Variants in BAHCC1 observed in about 807,000 individuals in gnomAD.
The protein encoded by BAHCC1 is BAH and coiled-coil domain-containing protein 1.
BAHCC1 carries 43 observed loss-of-function variants against 88.2 expected under a neutral mutation model. That is an observed-to-expected ratio of 0.49 (90% CI 0.38 to 0.63). The LOEUF (loss-of-function observed/expected upper bound fraction) is 0.63. Among genes scored for constraint, BAHCC1 ranks in the 20% least tolerant of loss-of-function variants. The pLI, the probability that BAHCC1 is intolerant of heterozygous loss-of-function variation, is 0.00. For synonymous variants in BAHCC1, 1,510 were observed against 745.5 expected (o/e 2.03, Z -16.71); for missense variants, 3,023 against 1,654.8 (o/e 1.83, Z -14.34).
At chr17:81,444,096 G>A in intron 6 of BAHCC1, 179 bp downstream of exon 6, 1 of 607,982 alleles carries the variant, frequency 1.6e-6, no homozygotes, top group South Asian at 1.9e-5. Context: ...GGGGTTGGGG[G>A]TCTCAGTTAA....
intron 4 of BAHCC1, among the ~76,000 whole-genome samples, chr17:81,438,971 C>T (rs1220542166): frequency 6.6e-6 from 1 of 152,170 alleles, no homozygotes; most frequent in East Asian, 1.9e-4. Context: ...GCCCCCAGCC[C>T]CCAGCCCCCC....
At position 81,458,911 on chromosome 17, in the gene BAHCC1, CGAGGAGGAAGAG is replaced by C. The variant is rs1350332995; in HGVS notation, c.5556_5567del (p.Glu1852_Glu1855del). On this transcript the variant is annotated inframe_deletion, in exon 20 of 28. Transcript: ENST00000675386. ...GCAGCTTCTCGGAAGAGGAGGAGGA[CGAGGAGGAAGAG>C]GAGGAGGACAGCGGCCCTCTGAGCG... The C allele has an allele frequency of 1.0e-5, 8 of 770,986 alleles. No homozygotes were observed. The African/African-American group carries it at 1.4e-4, about 13-fold the overall frequency. The allele number at this position is 770,986 out of a possible 1,614,324, so 47.8% of individuals were successfully genotyped here.
At chr17:81,398,976 C>T (rs559357294) in intron 1 of BAHCC1, among the ~76,000 whole-genome samples, 16 of 151,282 alleles carry the variant, frequency 1.1e-4, no homozygotes, top group African/African-American at 3.9e-4. Flanking sequence ...TAAAATTACT[C>T]GCTTAATTAG....
intron 26 of BAHCC1, chr17:81,462,517 T>C: frequency 1.8e-6 from 1 of 567,786 alleles, no homozygotes; most frequent in Non-Finnish European, 3.1e-6. Flanking sequence ...CCAGACGTCA[T>C]GATTCCATGT....
intron 11 of BAHCC1, among the ~76,000 whole-genome samples, chr17:81,450,298 C>T (rs534243123): frequency 6.6e-6 from 1 of 152,190 alleles, no homozygotes; most frequent in Non-Finnish European, 1.5e-5. Context: ...CCCATGGGGA[C>T]CCCGTTCCTG....
intron 2 of BAHCC1, among the ~76,000 whole-genome samples, chr17:81,426,535 C>T (rs1221486399): frequency 2.6e-5 from 4 of 151,348 alleles, no homozygotes; most frequent in Non-Finnish European, 4.4e-5. Context: ...ACAAAGATGT[C>T]GTTCTTGGGT....
rs782244723 is a variant in BAHCC1, at chr17:81,447,726, C to G, written c.3854C>G (p.Ala1285Gly). ...SDSPPDPQPP[A>G]ASGPPSTVPL... ...AGCCCACCGGACCCTCAGCCCCCAG[C>G]GGCCTCTGGGCCCCCCAGCACAGTC... The change falls in exon 11 of 28, where the codon GCG becomes GGG. Residue 1285 changes from alanine (A) to glycine (G), a missense_variant. Physicochemically the swap from Ala to Gly is moderately conservative, Grantham distance 60 (BLOSUM62 0). Coordinates refer to ENST00000675386, the MANE Select transcript of BAHCC1 (RefSeq NM_001377448.1). The G allele has an allele frequency of 1.4e-6, 1 of 733,752 alleles. No individual in the cohort carries two copies. The highest frequency in any genetic ancestry group is 2.6e-5 in the East Asian group (1 of 38,380). The allele number at this position is 733,752 out of a possible 1,614,324, so 45.5% of individuals were successfully genotyped here.
At position 81,456,485 on chromosome 17, in the gene BAHCC1, G is replaced by A. The variant is rs2064752238; in HGVS notation, c.4758G>A (p.Lys1586=). The A allele has an allele frequency of 1.4e-6, 1 of 720,380 alleles. No homozygotes were observed. 44.6% of individuals were successfully genotyped at this position (720,380 alleles called of 1,614,324 possible). ...AGCTGTCCCGAGCCAAGAGTGCCAA[G>A]GTGTCTGGGGCCACACGGCACCCAC... The part of the protein sequence containing the change: ...REKLSRAKSA[K]VSGATRHPQP... Residue 1586 remains lysine, a synonymous_variant, in exon 16 of 28, where the codon AAG becomes AAA. Coordinates refer to ENST00000675386, the MANE Select transcript of BAHCC1 (RefSeq NM_001377448.1).
chr17:81,418,952 C>T (rs1358750102), intron 2 of BAHCC1, among the ~76,000 whole-genome samples: 1 of 151,844 alleles, frequency 6.6e-6, no homozygotes, highest in South Asian at 2.1e-4. Context: ...AGTCCCTCCC[C>T]TGCCTCTGTG....
chr17:81,431,355 C>A (rs1359113880), intron 3 of BAHCC1, among the ~76,000 whole-genome samples: 6 of 152,210 alleles, frequency 3.9e-5, no homozygotes, highest in Non-Finnish European at 8.8e-5. Context: ...TTATGCATAG[C>A]CTCATGTTCA....
At chr17:81,418,814 T>TGTAC (rs2064075342) in intron 2 of BAHCC1, among the ~76,000 whole-genome samples, 1 of 96,922 alleles carries the variant, frequency 1.0e-5, no homozygotes, top group African/African-American at 3.8e-5. Flanking sequence ...TGTGTACGTG[T>TGTAC]GTGTGTGTGT....
At chr17:81,455,134 C>A in intron 14 of BAHCC1, 133 bp from the exon 15 acceptor site, 1 of 624,690 alleles carries the variant, frequency 1.6e-6, no homozygotes. Flanking sequence ...TCACCCCCTG[C>A]TCTGTCTGCC....
chr17:81,416,659 A>G lies in BAHCC1; in HGVS notation c.179-10141A>G, dbSNP rs2143314686. Among the ~76,000 whole-genome samples the G allele has an allele frequency of 2.0e-5, 3 of 152,318 alleles. No homozygotes were observed. The Middle Eastern group carries it at 0.01, about 518-fold the overall frequency. ...GTGTATGCACATGTACATGTCCACA[A>G]GGATGGGTGAGCACACAGGAGGGTG... On this transcript the variant is annotated intron_variant, in intron 2 of 27. Transcript: ENST00000675386.
intron 4 of BAHCC1, among the ~76,000 whole-genome samples, chr17:81,441,450 CAGG>C (rs1555652495): frequency 6.6e-6 from 1 of 152,150 alleles, no homozygotes; most frequent in Non-Finnish European, 1.5e-5. Context: ...ATCACGAGGT[CAGG>C]AGATCGAGAC....
At position 81,464,031 on chromosome 17, in the gene BAHCC1, G is replaced by A. The variant is rs183526372; in HGVS notation, c.*214G>A. ...AATCCAGTCCCGTCCCATCCTCTGCGGAGGGTCGGGCTGTGGCCCTCATGG... is the reference window on the plus strand; with the variant it reads ...AATCCAGTCCCGTCCCATCCTCTGCAGAGGGTCGGGCTGTGGCCCTCATGG... On this transcript the variant is annotated 3_prime_UTR_variant, in exon 28 of 28. Transcript: ENST00000675386. The A allele has an allele frequency of 1.4e-5, 8 of 588,496 alleles. No individual in the cohort carries two copies. Among genetic ancestry groups the A allele is most frequent in the African/African-American group, 7.5e-5 (4 of 53,642 alleles). The allele number at this position is 588,496 out of a possible 1,614,324, so 36.5% of individuals were successfully genotyped here.
intron 16 of BAHCC1, 99 bp from the exon 17 acceptor site, chr17:81,457,311 C>T (rs2064767440): frequency 6.1e-6 from 4 of 660,598 alleles, no homozygotes; most frequent in South Asian, 3.4e-5. Flanking sequence ...GCTCCACTCA[C>T]AGCCCCGCCA....
intron 5 of BAHCC1, 107 bp downstream of exon 5, chr17:81,443,671 C>A (rs1366051600): frequency 1.6e-6 from 1 of 632,934 alleles, no homozygotes; most frequent in Non-Finnish European, 2.9e-6. Flanking sequence ...CCTTGGCAGA[C>A]CCTCCGAGGC....
intron 4 of BAHCC1, among the ~76,000 whole-genome samples, chr17:81,440,249 G>A (rs1385131725): frequency 6.6e-6 from 1 of 152,220 alleles, no homozygotes; most frequent in African/African-American, 2.4e-5. Context: ...CGGGCAGGTG[G>A]CGGGTCCCAA....
chr17:81,451,951 C>G lies in BAHCC1; in HGVS notation c.4180-20C>G. On this transcript the variant is annotated intron_variant, in intron 12 of 27. Coordinates refer to ENST00000675386, the MANE Select transcript of BAHCC1 (RefSeq NM_001377448.1). ...CTGGGCCCTGGCCCGGCTCACAGGCCCCTGTGCCCCCCCCACCAGGTGTGC... is the reference window on the plus strand; with the variant it reads ...CTGGGCCCTGGCCCGGCTCACAGGCGCCTGTGCCCCCCCCACCAGGTGTGC... The G allele has an allele frequency of 1.6e-6, 1 of 611,638 alleles. No homozygotes were observed. Among genetic ancestry groups the G allele is most frequent in the Non-Finnish European group, 2.9e-6 (1 of 341,778 alleles). 37.9% of individuals were successfully genotyped at this position (611,638 alleles called of 1,614,324 possible).
Sources: gnomAD v4.1 joint callset for allele counts (sites outside exome capture counted in the v4.1 genomes callset) on GRCh38, gnomAD v4.1.1 for gene constraint, MANE v1.5 for transcripts, NCBI Gene and HGNC (gene_info 2026-07-23, HGNC 2026-07-21) for gene names.